ALPL: variants seen among roughly 807,000 people sequenced by gnomAD.
ALPL encodes the protein alkaline phosphatase, tissue-nonspecific isozyme.
A neutral mutation model predicts 51.3 loss-of-function variants in ALPL; 42 were observed. That is an observed-to-expected ratio of 0.82 (90% confidence interval 0.64 to 1.06). ALPL has a LOEUF of 1.06. Ranked by LOEUF, ALPL falls within the 50% of genes least tolerant of loss-of-function variation. The probability of loss-of-function intolerance (pLI) is 0.00; values close to 1 mark genes in which losing one functional copy is unlikely to be tolerated. For synonymous variants in ALPL, 279 were observed against 296.4 expected (o/e 0.94, Z 0.60); for missense variants, 589 against 709.4 (o/e 0.83, Z 1.93).
chr1:21,535,364 C>T (rs1644091512), intron 1 of ALPL, among the ~76,000 whole-genome samples: 1 of 152,152 alleles, frequency 6.6e-6, no homozygotes, highest in African/African-American at 2.4e-5. Context: ...CCGGGAGTCC[C>T]AGCACTTTGG....
intron 1 of ALPL, chr1:21,551,253 A>G (rs1160001155): frequency 6.6e-6 from 1 of 152,178 alleles, no homozygotes; most frequent in East Asian, 1.9e-4. Context: ...GAGGGCAGAG[A>G]CAAACAAGAC....
intron 2 of ALPL, among the ~76,000 whole-genome samples, chr1:21,554,811 GTCTGTCTTTCTTTCTTTCTTTCTT>G (rs1644383280): frequency 2.1e-5 from 1 of 48,328 alleles, no homozygotes; most frequent in African/African-American, 6.4e-5. Flanking sequence ...CTGTCTGTCT[GTCTGTCTTTCTTTCTTTCTTTCTT>G]TCTTTCTTTC....
At chr1:21,546,168 A>G (rs972914836) in intron 1 of ALPL, among the ~76,000 whole-genome samples, 1 of 152,162 alleles carries the variant, frequency 6.6e-6, no homozygotes, top group Admixed American at 6.5e-5. Context: ...TGCCAGTATC[A>G]CTAGGATGTT....
Position 21,509,757 on chromosome 1 carries a change from C to T in ALPL, c.-105+240C>T, listed in dbSNP as rs1643644800. On this transcript the variant is annotated intron_variant, in intron 1 of 11. Transcript: ENST00000374840. The surrounding 1 kb of genome is among the most constrained non-coding windows in gnomAD (Gnocchi z 6.0). Reference sequence around the variant, plus strand: ...GGGCGGGACAGGAGATTGGACGTGGCGCCCGCGGAGCCGGCGAACTCAGGG... The same window carrying T: ...GGGCGGGACAGGAGATTGGACGTGGTGCCCGCGGAGCCGGCGAACTCAGGG... Among the ~76,000 whole-genome samples the T allele has an allele frequency of 6.6e-6, 1 of 152,112 alleles. No individual in the cohort carries two copies. The highest frequency in any genetic ancestry group is 1.5e-5 in the Non-Finnish European group (1 of 67,998).
At chr1:21,542,418 G>A (rs538032842) in intron 1 of ALPL, among the ~76,000 whole-genome samples, 183 of 152,326 alleles carry the variant, frequency 1.2e-3, no homozygotes, top group Non-Finnish European at 2.2e-3. Flanking sequence ...TGCAGGGTCT[G>A]CTTATAGTGG....
intron 2 of ALPL, among the ~76,000 whole-genome samples, chr1:21,554,473 A>G (rs1644372629): frequency 6.8e-6 from 1 of 147,420 alleles, no homozygotes; most frequent in East Asian, 1.9e-4. Flanking sequence ...TATTTCATAT[A>G]TATTATATAT....
chr1:21,510,900 C>T (rs1453467622), intron 1 of ALPL, among the ~76,000 whole-genome samples: 1 of 152,208 alleles, frequency 6.6e-6, no homozygotes, highest in Non-Finnish European at 1.5e-5. Flanking sequence ...CCTGTGAATT[C>T]CCTCAGAAGA....
At chr1:21,513,636 G>A (rs869179) in intron 1 of ALPL, among the ~76,000 whole-genome samples, 48,247 of 152,106 alleles carry the variant, frequency 0.32, 8,450 homozygotes, top group East Asian at 0.47. Flanking sequence ...CCTGCTGTGT[G>A]CTGGGTTATG....
At chr1:21,550,744 T>C (rs1162637372) in intron 1 of ALPL, among the ~76,000 whole-genome samples, 1 of 152,076 alleles carries the variant, frequency 6.6e-6, no homozygotes, top group Non-Finnish European at 1.5e-5. Context: ...CCCAACGCCC[T>C]GGGTTAGTTT....
intron 1 of ALPL, among the ~76,000 whole-genome samples, chr1:21,523,420 CCTT>C (rs1364436174): frequency 6.6e-6 from 1 of 152,216 alleles, no homozygotes; most frequent in African/African-American, 2.4e-5. Flanking sequence ...TGTCCTGCCT[CCTT>C]CTGTAAAGAC....
chr1:21,573,676 C>A lies in ALPL; in HGVS notation c.874C>A (p.Pro292Thr), dbSNP rs765458125. Residue 292 changes from proline to threonine, a missense_variant, in exon 9 of 12, where the codon CCA becomes ACA. Pro to Thr is a conservative substitution (Grantham distance 38). Transcript: ENST00000374840. ...GGCGTCCTCCTCAGGTCTCTTCGAGCCAGGGGACATGCAGTACGAGCTGAA... is the reference window on the plus strand; with the variant it reads ...GGCGTCCTCCTCAGGTCTCTTCGAGACAGGGGACATGCAGTACGAGCTGAA... ...NVDYLLGLFE[P>T]GDMQYELNRN... The A allele has an allele frequency of 6.2e-6, 10 of 1,613,754 alleles. No homozygotes were observed. Among genetic ancestry groups the A allele is most frequent in the Middle Eastern group, 1.6e-4 (1 of 6,082 alleles).
In ALPL at chr1:21,529,495, C is replaced by T. The variant is rs6702499; in HGVS notation, c.-105+19978C>T. 8.7e-3 allele frequency among the ~76,000 whole-genome samples: 1,329 copies of T among 152,232 alleles called. 23 individuals carry two copies. The highest frequency in any genetic ancestry group is 0.03 in the African/African-American group (1,239 of 41,534). On this transcript the variant is annotated intron_variant, in intron 1 of 11. Transcript: ENST00000374840. The stretch of plus-strand genomic sequence containing the variant: ...CCTTCCAAAGTGTTGGAATTCCAGT[C>T]ATGAGCCACCAAGCCTGGCCAATTT...
At chr1:21,576,278 G>C (rs1473769144) in intron 10 of ALPL, among the ~76,000 whole-genome samples, 1 of 149,752 alleles carries the variant, frequency 6.7e-6, no homozygotes, top group Non-Finnish European at 1.5e-5. Context: ...TGGGTGGATG[G>C]ATGGATGGGT....
Position 21,570,286 on chromosome 1 carries a change from A to G in ALPL, c.793-19A>G. On this transcript the variant is annotated intron_variant, in intron 7 of 11. Coordinates refer to ENST00000374840, the MANE Select transcript of ALPL (RefSeq NM_000478.6). Reference sequence around the variant, plus strand: ...TCTCCCTAGCCCCCGGCATGTGCTGACACAGCCCTTCCTCCTAGCACTCCC... The same window carrying G: ...TCTCCCTAGCCCCCGGCATGTGCTGGCACAGCCCTTCCTCCTAGCACTCCC... The G allele has an allele frequency of 6.2e-7, 1 of 1,613,736 alleles. No homozygotes were observed. The highest frequency in any genetic ancestry group is 8.5e-7 in the Non-Finnish European group (1 of 1,179,768).
rs539884496 is a variant in ALPL, at chr1:21,560,711, C to G, written c.147C>G (p.Asn49Lys). The change falls in exon 3 of 12, where the codon AAC becomes AAG. Residue 49 changes from asparagine (N) to lysine (K), a missense_variant. Asn to Lys is a moderately conservative substitution (Grantham distance 94, BLOSUM62 0). Coordinates refer to ENST00000374840, the MANE Select transcript of ALPL (RefSeq NM_000478.6). ...TGGAGCTTCAGAAGCTCAACACCAA[C>G]GTGGCTAAGAATGTCATCATGTTCC... is the stretch of plus-strand genomic sequence containing the variant. Reference protein sequence around the residue: ...YALELQKLNTNVAKNVIMFLG... With the variant: ...YALELQKLNTKVAKNVIMFLG... The G allele has an allele frequency of 2.5e-6, 4 of 1,614,154 alleles. No individual in the cohort carries two copies. Among genetic ancestry groups the G allele is most frequent in the East Asian group, 4.5e-5 (2 of 44,876 alleles).
rs1422075696 is a variant in ALPL, at chr1:21,553,231, GTATCTCAGCACA to G, written c.-104-746_-104-735del. The stretch of plus-strand genomic sequence containing the variant: ...TTTTAAAAATTGTAAAGATAATACT[GTATCTCAGCACA>G]AAAGAAAATTTTGGAAATGCAGAAA... On this transcript the variant is annotated intron_variant, in intron 1 of 11. Transcript: ENST00000374840. Among the ~76,000 whole-genome samples, 5 of 150,970 alleles carry G rather than the reference GTATCTCAGCACA, an allele frequency of 3.3e-5. No individual in the cohort carries two copies. The East Asian group carries it at 5.8e-4, about 18-fold the overall frequency.
chr1:21,561,218 C>T lies in ALPL; in HGVS notation c.297+6C>T, dbSNP rs761473320. 55 of 1,597,830 alleles carry T rather than the reference C, an allele frequency of 3.4e-5. No individual in the cohort carries two copies. Among genetic ancestry groups the T allele is most frequent in the Non-Finnish European group, 4.5e-5 (53 of 1,171,290 alleles). On this transcript the variant is annotated splice_donor_region_variant and intron_variant, in intron 4 of 11. Transcript: ENST00000374840. ...CCTTCGTGGCCCTCTCCAAGGTGAG[C>T]CCCATCCCCAAGCCCAGTTCAGGTC...
intron 1 of ALPL, among the ~76,000 whole-genome samples, chr1:21,522,220 C>T (rs1239942468): frequency 2.0e-5 from 3 of 152,130 alleles, no homozygotes; most frequent in Admixed American, 6.5e-5. Context: ...TACAGGCACA[C>T]ACCACCACGC....
intron 2 of ALPL, among the ~76,000 whole-genome samples, chr1:21,558,191 A>C (rs1644437976): frequency 6.6e-6 from 1 of 152,204 alleles, no homozygotes; most frequent in Non-Finnish European, 1.5e-5. Flanking sequence ...GTGGGACTCC[A>C]GTCTAGAGAG....
Sources: gnomAD v4.1 joint callset for allele counts (sites outside exome capture counted in the v4.1 genomes callset) on GRCh38, gnomAD v4.1.1 for gene constraint, Gnocchi (gnomAD v3.1) non-coding constraint, MANE v1.5 for transcripts, NCBI Gene and HGNC (gene_info 2026-07-23, HGNC 2026-07-21) for gene names.